ADGRV1: variants seen among roughly 807,000 people sequenced by gnomAD.
ADGRV1 encodes adhesion G protein-coupled receptor V1.
A neutral mutation model predicts 596.2 loss-of-function variants in ADGRV1; 359 were observed. The observed-to-expected ratio is 0.60, with a 90% confidence interval of 0.55 to 0.66. The LOEUF (loss-of-function observed/expected upper bound fraction) is 0.66, where lower values mean the gene tolerates loss of function less well. Among genes scored for constraint, ADGRV1 ranks in the 30% least tolerant of loss-of-function variants. The pLI is 0.00. For synonymous variants in ADGRV1, 2,681 were observed against 2,679.2 expected (o/e 1.00, Z -0.02); for missense variants, 7,274 against 7,575.6 (o/e 0.96, Z 1.48).
chr5:90,843,622 A>G (rs1765618802), intron 78 of ADGRV1, among the ~76,000 whole-genome samples: 1 of 152,200 alleles, frequency 6.6e-6, no homozygotes, highest in African/African-American at 2.4e-5. Flanking sequence ...CCAAAGCCTC[A>G]GACAAAACCC....
Position 90,840,898 on chromosome 5 carries a change from C to T in ADGRV1, c.16932C>T (p.Leu5644=), listed in dbSNP as rs1765367476. The T allele has an allele frequency of 6.3e-7, 1 of 1,587,982 alleles. No homozygotes were observed. The highest frequency in any genetic ancestry group is 1.3e-5 in the African/African-American group (1 of 74,486). ...QLHQPVNDDI[L]NRVLHTISMK... is the part of the protein sequence containing the mutation. ...ATCAGCCTGTGAATGATGATATTCTCAACAGAGTGCTCCATACCATCAGCA... is the reference window on the plus strand; with the variant it reads ...ATCAGCCTGTGAATGATGATATTCTTAACAGAGTGCTCCATACCATCAGCA... The change falls in exon 78 of 90, where the codon CTC becomes CTT. Residue 5644 remains leucine, a synonymous_variant. Transcript: ENST00000405460.
At chr5:91,023,302 A>C (rs1000152710) in intron 85 of ADGRV1, among the ~76,000 whole-genome samples, 2 of 152,150 alleles carry the variant, frequency 1.3e-5, no homozygotes, top group Admixed American at 6.6e-5. Context: ...ATTAATCTGC[A>C]GCTATTCACA....
Position 90,684,298 on chromosome 5 carries a change from C to T in ADGRV1, c.6274+103C>T, listed in dbSNP as rs894302921. On this transcript the variant is annotated intron_variant, in intron 28 of 89. Coordinates refer to ENST00000405460, the MANE Select transcript of ADGRV1 (RefSeq NM_032119.4). ...AGAAAATTCTATAAAAAGTAGTAAA[C>T]TCTAACTTTGAAAATGTCCTCTTAC... is the stretch of plus-strand genomic sequence containing the variant. The T allele has an allele frequency of 4.2e-5, 47 of 1,114,206 alleles. No homozygotes were observed. The African/African-American group carries it at 6.6e-4, about 16-fold the overall frequency. 69.0% of individuals were successfully genotyped at this position (1,114,206 alleles called of 1,614,324 possible). A position where few individuals can be genotyped will look rare whatever the true frequency, so the allele number is the denominator to read the frequency against.
chr5:91,131,591 C>T (rs1256088194), intron 87 of ADGRV1, among the ~76,000 whole-genome samples: 1 of 152,062 alleles, frequency 6.6e-6, no homozygotes. Flanking sequence ...GCTGGGATTA[C>T]AGGCATGAGC....
At chr5:90,862,588 T>A (rs1277732387) in intron 82 of ADGRV1, among the ~76,000 whole-genome samples, 2 of 152,136 alleles carry the variant, frequency 1.3e-5, no homozygotes, top group Non-Finnish European at 2.9e-5. Flanking sequence ...CACTCTGTAC[T>A]TGTGTGGGTG....
intron 83 of ADGRV1, among the ~76,000 whole-genome samples, chr5:90,948,495 G>A (rs2150895351): frequency 6.6e-6 from 1 of 152,186 alleles, no homozygotes; most frequent in African/African-American, 2.4e-5. Flanking sequence ...AGGAATATCT[G>A]CTTAACGTAT....
At chr5:90,837,873 C>G (rs1765105322) in intron 77 of ADGRV1, among the ~76,000 whole-genome samples, 1 of 152,064 alleles carries the variant, frequency 6.6e-6, no homozygotes, top group Non-Finnish European at 1.5e-5. Flanking sequence ...CCCTCTGATG[C>G]CATCTTGCTT....
rs781502368 is a variant in ADGRV1, at chr5:90,753,604, A to G, written c.11152A>G (p.Thr3718Ala). 1 of 1,611,104 alleles carries G rather than the reference A, an allele frequency of 6.2e-7. No homozygotes were observed. The highest frequency in any genetic ancestry group is 8.5e-7 in the Non-Finnish European group (1 of 1,177,408). The change falls in exon 54 of 90, where the codon ACA (threonine) becomes GCA (alanine). Residue 3718 changes from threonine to alanine, a missense_variant. Thr to Ala is a moderately conservative substitution (Grantham distance 58, BLOSUM62 0). Around this residue, in one of 5 missense-constraint regions of ADGRV1, gnomAD observed 3,643 missense variants for 3,809.2 expected, o/e 0.96. Coordinates refer to ENST00000405460, the MANE Select transcript of ADGRV1 (RefSeq NM_032119.4). ...ILFTEGQVLS[T>A]ITLTILADNI... The stretch of plus-strand genomic sequence containing the variant: ...ATTTACTGAAGGCCAGGTACTGTCA[A>G]CAATCACTCTAACTATTCTTGCTGA...
chr5:91,143,123 C>G (rs748779713), intron 87 of ADGRV1, among the ~76,000 whole-genome samples: 1 of 152,196 alleles, frequency 6.6e-6, no homozygotes. Context: ...ACTAGGCATC[C>G]CGCAAGTAGC....
At chr5:91,020,208 G>A (rs1783520888) in intron 85 of ADGRV1, among the ~76,000 whole-genome samples, 1 of 151,934 alleles carries the variant, frequency 6.6e-6, no homozygotes, top group Non-Finnish European at 1.5e-5. Flanking sequence ...GCTACCACTG[G>A]TGTATGCTTT....
chr5:91,056,224 G>A (rs1462924649), intron 85 of ADGRV1, among the ~76,000 whole-genome samples: 2 of 152,156 alleles, frequency 1.3e-5, no homozygotes, highest in African/African-American at 4.8e-5. Context: ...GCAGTTTTCA[G>A]TGCATCTCAT....
At chr5:91,100,139 T>C (rs1791239116) in intron 86 of ADGRV1, among the ~76,000 whole-genome samples, 1 of 152,098 alleles carries the variant, frequency 6.6e-6, no homozygotes, top group African/African-American at 2.4e-5. Flanking sequence ...ACAATGATAG[T>C]GGCCGGGTAC....
intron 29 of ADGRV1, among the ~76,000 whole-genome samples, chr5:90,689,332 C>G (rs866780479): frequency 3.8e-5 from 4 of 104,440 alleles, no homozygotes; most frequent in African/African-American, 8.3e-5. Context: ...CCCCACCCAC[C>G]TTTTTTTTTT....
In ADGRV1 at chr5:90,625,116, G is replaced by A. The variant is rs757180527; in HGVS notation, c.559-14G>A. The A allele has an allele frequency of 6.7e-7, 1 of 1,501,300 alleles. No homozygotes were observed. The highest frequency in any genetic ancestry group is 9.2e-7 in the Non-Finnish European group (1 of 1,081,796). 93.0% of individuals were successfully genotyped at this position (1,501,300 alleles called of 1,614,324 possible). On this transcript the variant is annotated splice_polypyrimidine_tract_variant and intron_variant, in intron 5 of 89. Coordinates refer to ENST00000405460, the MANE Select transcript of ADGRV1 (RefSeq NM_032119.4). ...ATTTTGCATTTATTGATGGCATTTT[G>A]TGTTTCTTTGCAGGTAGAGGGTGGC...
chr5:91,067,884 A>G (rs1468143459), intron 85 of ADGRV1, among the ~76,000 whole-genome samples: 1 of 152,200 alleles, frequency 6.6e-6, no homozygotes, highest in Non-Finnish European at 1.5e-5. Context: ...CAGCATGACC[A>G]CTGTTTTTAG....
chr5:90,887,213 G>A (rs147242834), intron 83 of ADGRV1, among the ~76,000 whole-genome samples: 15 of 152,172 alleles, frequency 9.9e-5, no homozygotes, highest in Non-Finnish European at 1.3e-4. Flanking sequence ...TGAAGCTGTC[G>A]TGCCTTGGAA....
intron 87 of ADGRV1, among the ~76,000 whole-genome samples, chr5:91,113,182 A>G (rs1368332567): frequency 6.6e-6 from 1 of 152,144 alleles, no homozygotes; most frequent in Non-Finnish European, 1.5e-5. Context: ...TCAGATATGT[A>G]CCAAATGCCT....
intron 12 of ADGRV1, 31 bp from the exon 13 acceptor site, chr5:90,642,825 G>A (rs775452360): frequency 6.3e-7 from 1 of 1,599,042 alleles, no homozygotes; most frequent in African/African-American, 1.4e-5. Context: ...GATCTCAAAG[G>A]GTTTCAACTT....
chr5:90,617,669 GT>G (rs1334554936), intron 2 of ADGRV1, 134 bp from the exon 3 acceptor site: 8 of 667,062 alleles, frequency 1.2e-5, no homozygotes, highest in African/African-American at 5.6e-5. Flanking sequence ...TATGATTTTT[GT>G]TTTTGTACAC....
Sources: allele counts gnomAD v4.1 joint callset (sites outside exome capture counted in the v4.1 genomes callset), GRCh38; gene constraint gnomAD v4.1.1; regional missense constraint gnomAD v4.1.1; transcripts MANE v1.5; gene names NCBI Gene and HGNC (gene_info 2026-07-23, HGNC 2026-07-21).